Variants in COG5 observed in about 807,000 individuals in gnomAD.
COG5 encodes the protein conserved oligomeric Golgi complex subunit 5.
A neutral mutation model predicts 110.4 loss-of-function variants in COG5; 86 were observed. The observed-to-expected ratio is 0.78, with a 90% CI of 0.65 to 0.93. The LOEUF is 0.93. Ranked by LOEUF, COG5 falls within the 40% of genes least tolerant of loss-of-function variation. The pLI is 0.00. For synonymous variants in COG5, 360 were observed against 334.6 expected, an observed-to-expected ratio of 1.08 and a Z score of -0.83; for missense variants, 1,077 against 987.0, an observed-to-expected ratio of 1.09 and a Z score of -1.22.
chr7:107,314,637 T>A (rs1048824241), intron 11 of COG5, among the ~76,000 whole-genome samples: 1 of 146,978 alleles, frequency 6.8e-6, no homozygotes, highest in African/African-American at 2.5e-5. Flanking sequence ...TAATCCCAGC[T>A]ACTTGGGAGG....
chr7:107,518,873 A>T (rs1175715951), intron 6 of COG5, among the ~76,000 whole-genome samples: 2 of 152,230 alleles, frequency 1.3e-5, no homozygotes, highest in Non-Finnish European at 2.9e-5. Flanking sequence ...TCAGTGCCAC[A>T]AGGCAGTTAT....
At chr7:107,209,881 TG>T (rs1191210436) in intron 21 of COG5, 1 of 985,668 alleles carries the variant, frequency 1.0e-6, no homozygotes, top group African/African-American at 1.7e-5. Context: ...AAAATGGGAA[TG>T]TTTGGTGGCT....
chr7:107,538,444 CAG>C (rs1801742898), intron 5 of COG5, among the ~76,000 whole-genome samples: 1 of 152,164 alleles, frequency 6.6e-6, no homozygotes, highest in South Asian at 2.1e-4. Flanking sequence ...CTCTCTGCAG[CAG>C]AGAGAGCTCT....
chr7:107,265,844 C>T (rs1035251988), intron 14 of COG5, among the ~76,000 whole-genome samples: 2 of 152,004 alleles, frequency 1.3e-5, no homozygotes, highest in African/African-American at 4.8e-5. Flanking sequence ...CGCTTGAGCT[C>T]AGAAGTTTGA....
chr7:107,386,301 G>A (rs1311704114), intron 7 of COG5, among the ~76,000 whole-genome samples: 2 of 152,010 alleles, frequency 1.3e-5, no homozygotes, highest in East Asian at 3.9e-4. Flanking sequence ...GGCCGGGGTT[G>A]CAACTGTTTA....
intron 6 of COG5, among the ~76,000 whole-genome samples, chr7:107,519,035 G>GC (rs1800142817): frequency 6.6e-6 from 1 of 151,982 alleles, no homozygotes; most frequent in South Asian, 2.1e-4. Flanking sequence ...TTGAACAACC[G>GC]CTCCTAAATG....
chr7:107,547,763 A>C (rs1297363730), intron 5 of COG5, among the ~76,000 whole-genome samples: 3 of 151,908 alleles, frequency 2.0e-5, no homozygotes, highest in African/African-American at 7.3e-5. Flanking sequence ...AATCAGAAAA[A>C]CAATCCCATT....
chr7:107,527,396 A>T (rs1800851431), intron 5 of COG5, 39 bp from the exon 6 acceptor site: 3 of 1,607,872 alleles, frequency 1.9e-6, no homozygotes, highest in Middle Eastern at 3.3e-4. Flanking sequence ...TTGATCCATG[A>T]AGTTTTATTA....
intron 18 of COG5, among the ~76,000 whole-genome samples, chr7:107,232,788 G>A (rs1345518934): frequency 6.6e-6 from 1 of 152,168 alleles, no homozygotes; most frequent in East Asian, 1.9e-4. Flanking sequence ...AAGAGGAGGT[G>A]ACTCTGCCAT....
At chr7:107,495,916 ATTTATTT>A (rs1395948053) in intron 6 of COG5, among the ~76,000 whole-genome samples, 4 of 81,854 alleles carry the variant, frequency 4.9e-5, no homozygotes, top group Non-Finnish European at 1.2e-4. Flanking sequence ...ACTTTATTTC[ATTTATTT>A]TTTATTTATT....
At chr7:107,268,974 G>C (rs886403929) in intron 14 of COG5, among the ~76,000 whole-genome samples, 2 of 152,184 alleles carry the variant, frequency 1.3e-5, no homozygotes, top group South Asian at 2.1e-4. Flanking sequence ...ATTGTGATCA[G>C]TGATGTATAT....
At chr7:107,457,677 G>T (rs1001348510) in intron 6 of COG5, among the ~76,000 whole-genome samples, 2 of 151,854 alleles carry the variant, frequency 1.3e-5, no homozygotes, top group African/African-American at 4.8e-5. Flanking sequence ...GATCCCCCCC[G>T]CCTCAGCCTC....
intron 14 of COG5, among the ~76,000 whole-genome samples, chr7:107,263,432 A>G (rs559065889): frequency 2.0e-5 from 3 of 152,338 alleles, no homozygotes; most frequent in South Asian, 2.1e-4. Flanking sequence ...AGTGGGAGCA[A>G]TAAGAGATTC....
intron 6 of COG5, among the ~76,000 whole-genome samples, chr7:107,481,854 T>C (rs1797371193): frequency 6.6e-6 from 1 of 152,184 alleles, no homozygotes; most frequent in Non-Finnish European, 1.5e-5. Context: ...GTAATACTAA[T>C]GTACTTTCGC....
In COG5 at chr7:107,211,056, G is replaced by C. The variant is rs199932341; in HGVS notation, c.2295+43C>G. 200 of 1,609,012 alleles carry C rather than the reference G, an allele frequency of 1.2e-4. 1 individual carries two copies. In the African/African-American group the frequency reaches 2.3e-3, roughly 19 times the overall value. The stretch of plus-strand genomic sequence containing the variant: ...GGGGCTCAGGATTCACACAGGTAAT[G>C]GGAAGAGTCACAAAAGGGTTCTGGC... On this transcript the variant is annotated intron_variant, in intron 20 of 21. Coordinates refer to ENST00000297135, the MANE Select transcript of COG5 (RefSeq NM_006348.5).
chr7:107,305,996 GAT>G (rs1297763292), intron 11 of COG5, among the ~76,000 whole-genome samples: 1 of 152,022 alleles, frequency 6.6e-6, no homozygotes, highest in East Asian at 1.9e-4. Context: ...TACTGAAGGC[GAT>G]CTTAGAATCT....
chr7:107,469,799 GT>G (rs1315923106), intron 6 of COG5, among the ~76,000 whole-genome samples: 1 of 151,572 alleles, frequency 6.6e-6, no homozygotes, highest in African/African-American at 2.4e-5. Flanking sequence ...TTTTTTTAAT[GT>G]TTGGCATAAG....
In COG5 at chr7:107,201,547, T is replaced by A; in HGVS notation, c.*1969A>T. ...CTCAATTCGTGTGACCATAAGATAC[T>A]GATAGCATTGAGTCTTGAAATGATT... On this transcript the variant is annotated 3_prime_UTR_variant, in exon 22 of 22. Coordinates refer to ENST00000297135, the MANE Select transcript of COG5 (RefSeq NM_006348.5). 1.7e-6 allele frequency: 1 copy of A among 577,362 alleles called. No individual in the cohort carries two copies. Among genetic ancestry groups the A allele is most frequent in the Non-Finnish European group, 3.2e-6 (1 of 313,668 alleles). 35.8% of individuals were successfully genotyped at this position (577,362 alleles called of 1,614,324 possible).
chr7:107,341,545 CA>C (rs534062753), intron 10 of COG5, among the ~76,000 whole-genome samples: 3 of 148,814 alleles, frequency 2.0e-5, no homozygotes, highest in East Asian at 1.9e-4. Flanking sequence ...CATATGGAAC[CA>C]AAAAAAAAGA....
Sources: gnomAD v4.1 joint callset for allele counts (sites outside exome capture counted in the v4.1 genomes callset) on GRCh38, gnomAD v4.1.1 for gene constraint, MANE v1.5 for transcripts, NCBI Gene and HGNC (gene_info 2026-07-23, HGNC 2026-07-21) for gene names.